Variants in CELF2 observed in about 807,000 individuals in gnomAD.
The protein encoded by CELF2 is CUGBP Elav-like family member 2.
CELF2 carries 8 observed loss-of-function variants against 62.6 expected under a neutral mutation model. The ratio of observed to expected loss-of-function variants is 0.13; its 90% CI spans 0.07 to 0.23. The LOEUF (loss-of-function observed/expected upper bound fraction) is 0.23, where lower values mean the gene tolerates loss of function less well. Ranked by LOEUF, CELF2 falls within the 10% of genes least tolerant of loss-of-function variation. The pLI, the probability that CELF2 is intolerant of heterozygous loss-of-function variation, is 1.00. For missense variants in CELF2, 333 were observed against 671.0 expected, an observed-to-expected ratio of 0.50 and a Z score of 5.56; for synonymous variants, 258 against 250.0, an observed-to-expected ratio of 1.03 and a Z score of -0.30.
the CELF2 span, among the ~76,000 whole-genome samples, chr10:10,728,893 G>A: frequency 6.6e-6 from 1 of 152,094 alleles, no homozygotes; most frequent in Non-Finnish European, 1.5e-5. Context: ...AGTTCTGGAG[G>A]GGAAAAGAAT....
intron 2 of CELF2, chr10:10,920,082 G>T: frequency 2.0e-6 from 2 of 1,019,310 alleles, no homozygotes; most frequent in Non-Finnish European, 2.5e-6. Context: ...TCTGTAAGAG[G>T]TCTTCTCATT....
chr10:11,123,878 G>C (rs763867606), intron 1 of CELF2, among the ~76,000 whole-genome samples: 8 of 152,128 alleles, frequency 5.3e-5, no homozygotes, highest in Non-Finnish European at 1.0e-4. Flanking sequence ...CTGTCTCTCT[G>C]TATTGGTCAG....
chr10:11,209,385 G>A (rs1440356885), intron 2 of CELF2, among the ~76,000 whole-genome samples: 2 of 152,002 alleles, frequency 1.3e-5, no homozygotes, highest in South Asian at 2.1e-4. Flanking sequence ...TTTCCTAGCA[G>A]TGCCAGTTCT....
intron 1 of CELF2, among the ~76,000 whole-genome samples, chr10:11,132,957 A>G (rs2131905966): frequency 6.6e-6 from 1 of 152,320 alleles, no homozygotes; most frequent in African/African-American, 2.4e-5. Context: ...CTGTATCAGA[A>G]GCTACACTAA....
At chr10:11,263,408 A>G (rs2081287562) in intron 5 of CELF2, among the ~76,000 whole-genome samples, 2 of 152,320 alleles carry the variant, frequency 1.3e-5, no homozygotes, top group South Asian at 4.1e-4. Flanking sequence ...CAAAAAAGAA[A>G]GAAGTATGGC....
the CELF2 span, among the ~76,000 whole-genome samples, chr10:10,772,509 G>A: frequency 6.4e-4 from 97 of 152,220 alleles, no homozygotes; most frequent in Non-Finnish European, 1.0e-3. Flanking sequence ...AAACCTTTTC[G>A]ATAAACACTG....
chr10:10,606,635 T>C, the CELF2 span, among the ~76,000 whole-genome samples: 1 of 152,200 alleles, frequency 6.6e-6, no homozygotes, highest in African/African-American at 2.4e-5. Flanking sequence ...TGGTTCTTTG[T>C]AACATGTTCT....
the CELF2 span, among the ~76,000 whole-genome samples, chr10:10,519,181 G>T: frequency 1.2e-4 from 18 of 152,278 alleles, no homozygotes; most frequent in East Asian, 5.8e-4. Flanking sequence ...CAAGATATTT[G>T]CCTGTCTGGG....
At chr10:10,787,140 A>G in the CELF2 span, among the ~76,000 whole-genome samples, 1 of 152,192 alleles carries the variant, frequency 6.6e-6, no homozygotes, top group East Asian at 1.9e-4. Flanking sequence ...TTATAAAGTG[A>G]CATATTCATT....
the CELF2 span, among the ~76,000 whole-genome samples, chr10:10,665,868 A>G: frequency 6.6e-6 from 1 of 152,166 alleles, no homozygotes; most frequent in East Asian, 1.9e-4. Context: ...TTCTACAAAA[A>G]CTACTCTGCA....
the CELF2 span, among the ~76,000 whole-genome samples, chr10:10,789,512 T>A: frequency 6.6e-6 from 1 of 152,184 alleles, no homozygotes. Context: ...GTGTCAAATA[T>A]AACATTGTTT....
At position 11,333,597 on chromosome 10, in the gene CELF2, G is replaced by A. The variant is rs1324031479; in HGVS notation, c.*4544G>A. ...TAGTTTCATTACCTTTTTGAATAAT[G>A]TCATACAAAAAATGTATTTGTTTTT... On this transcript the variant is annotated 3_prime_UTR_variant, in exon 13 of 13. Transcript: ENST00000633077. 2 of 152,164 alleles carry A rather than the reference G, an allele frequency of 1.3e-5. No homozygotes were observed. Among genetic ancestry groups the A allele is most frequent in the African/African-American group, 2.4e-5 (1 of 41,332 alleles). The allele number at this position is 152,164 out of a possible 1,614,324, so 9.4% of individuals were successfully genotyped here.
intron 2 of CELF2, among the ~76,000 whole-genome samples, chr10:11,205,078 G>A (rs896058158): frequency 1.3e-5 from 2 of 152,326 alleles, no homozygotes; most frequent in South Asian, 4.1e-4. Flanking sequence ...CATTAAAATT[G>A]ATTGACTATT....
the CELF2 span, among the ~76,000 whole-genome samples, chr10:10,675,734 A>T: frequency 6.6e-6 from 1 of 152,126 alleles, no homozygotes; most frequent in Non-Finnish European, 1.5e-5. Context: ...CAGCCACCTC[A>T]GGTCCTCCAA....
At chr10:10,722,006 T>C in the CELF2 span, among the ~76,000 whole-genome samples, 1 of 152,174 alleles carries the variant, frequency 6.6e-6, no homozygotes, top group Non-Finnish European at 1.5e-5. Context: ...AAATGATATA[T>C]AAACATAAAG....
chr10:10,575,861 A>T, the CELF2 span, among the ~76,000 whole-genome samples: 1 of 152,220 alleles, frequency 6.6e-6, no homozygotes, highest in Non-Finnish European at 1.5e-5. Context: ...CAACAACTGA[A>T]AAAAACATCT....
chr10:10,908,850 C>T (rs2063566557), intron 1 of CELF2, among the ~76,000 whole-genome samples: 1 of 152,162 alleles, frequency 6.6e-6, no homozygotes, highest in Non-Finnish European at 1.5e-5. Flanking sequence ...TGCAGTGGCG[C>T]CATCTCGGCT....
the CELF2 span, among the ~76,000 whole-genome samples, chr10:10,676,302 A>G: frequency 6.6e-6 from 1 of 152,244 alleles, no homozygotes; most frequent in Middle Eastern, 3.4e-3. Context: ...TCCCTCTCCC[A>G]TGGGGAAGTC....
At chr10:10,761,099 C>CA in the CELF2 span, among the ~76,000 whole-genome samples, 92 of 150,032 alleles carry the variant, frequency 6.1e-4, no homozygotes, top group Non-Finnish European at 9.8e-4. Flanking sequence ...TCAACAATTC[C>CA]AAAAAAAAAT....
Sources: allele counts gnomAD v4.1 joint callset (sites outside exome capture counted in the v4.1 genomes callset), GRCh38; gene constraint gnomAD v4.1.1; transcripts MANE v1.5; gene names NCBI Gene and HGNC (gene_info 2026-07-23, HGNC 2026-07-21).